The following IL23R variants were observed in gnomAD, a reference collection of about 807,000 sequenced individuals.
The protein encoded by IL23R is interleukin-23 receptor.
Under a neutral mutation model 56.9 loss-of-function variants are expected in IL23R, and 34 were observed. The ratio of observed to expected loss-of-function variants is 0.60; its 90% CI spans 0.45 to 0.80. IL23R has a LOEUF of 0.80. IL23R is among the 30% of genes least tolerant of loss of function. IL23R has a pLI of 0.00. For missense variants in IL23R, 635 were observed against 730.0 expected (o/e 0.87, Z 1.50); for synonymous variants, 230 against 249.2 (o/e 0.92, Z 0.73).
intron 2 of IL23R, among the ~76,000 whole-genome samples, chr1:67,168,968 T>G (rs1393360413): frequency 6.6e-6 from 1 of 151,996 alleles, no homozygotes; most frequent in South Asian, 2.1e-4. Flanking sequence ...AAGATCAGCC[T>G]GGCCAACATG....
At chr1:67,203,665 A>C (rs1648793360) in intron 5 of IL23R, among the ~76,000 whole-genome samples, 1 of 152,220 alleles carries the variant, frequency 6.6e-6, no homozygotes, top group Admixed American at 6.5e-5. Context: ...AGCCGTCTTC[A>C]TGGGTAACAC....
At chr1:67,182,540 T>C (rs1176873540) in intron 3 of IL23R, among the ~76,000 whole-genome samples, 1 of 152,176 alleles carries the variant, frequency 6.6e-6, no homozygotes, top group African/African-American at 2.4e-5. Flanking sequence ...CTGTCACCCC[T>C]TTCCTTGGCT....
rs373028008 is a variant in IL23R at position 67,259,114 on chromosome 1, C to T, written c.1876C>T (p.Leu626Phe). 2.5e-6 allele frequency: 4 copies of T among 1,613,716 alleles called. No homozygotes were observed. The highest frequency in any genetic ancestry group is 3.4e-6 in the Non-Finnish European group (4 of 1,179,880). Residue 626 changes from leucine to phenylalanine, a missense_variant, in exon 11 of 11, where the codon CTC becomes TTC. Coordinates refer to ENST00000347310, the MANE Select transcript of IL23R (RefSeq NM_144701.3). ...GGAAAGCCACTTCAATAGGATTTCA[C>T]TCTTGGAAAAGTAGAGCTGTGTGGT... ...ILESHFNRIS[L>F]LEK
At chr1:67,148,377 G>C (rs1395683356) in intron 1 of IL23R, among the ~76,000 whole-genome samples, 4 of 152,236 alleles carry the variant, frequency 2.6e-5, no homozygotes, top group African/African-American at 9.6e-5. Context: ...TCCCCTGCCC[G>C]CTCGAATTCC....
chr1:67,216,684 A>C (rs996730534), intron 6 of IL23R, among the ~76,000 whole-genome samples: 1 of 152,120 alleles, frequency 6.6e-6, no homozygotes, highest in African/African-American at 2.4e-5. Flanking sequence ...TCTTTTTTTA[A>C]AAAAAATTTC....
At chr1:67,165,747 C>T (rs565024654), upstream of IL23R, among the ~76,000 whole-genome samples, 12 of 152,236 alleles carry the variant, frequency 7.9e-5, no homozygotes, top group Admixed American at 3.9e-4. Context: ...CACTTATATG[C>T]AGAATCTGAA....
intron 4 of IL23R, among the ~76,000 whole-genome samples, chr1:67,187,245 T>C (rs1647405273): frequency 1.3e-5 from 2 of 152,134 alleles, no homozygotes; most frequent in African/African-American, 4.8e-5. Context: ...CAACCTTTGT[T>C]TTTATCTTGG....
chr1:67,241,353 A>T (rs1651841301), intron 9 of IL23R, among the ~76,000 whole-genome samples: 1 of 152,206 alleles, frequency 6.6e-6, no homozygotes, highest in Non-Finnish European at 1.5e-5. Context: ...CTGTTCTAGG[A>T]TCTATGTGTT....
At chr1:67,159,339 C>G (rs1352864287) in intron 1 of IL23R, among the ~76,000 whole-genome samples, 2 of 152,072 alleles carry the variant, frequency 1.3e-5, no homozygotes, top group East Asian at 3.9e-4. Flanking sequence ...CCTGCTCGCT[C>G]TCTCTCCTGC....
chr1:67,252,899 A>G (rs900036211), intron 9 of IL23R, among the ~76,000 whole-genome samples: 6 of 152,156 alleles, frequency 3.9e-5, no homozygotes, highest in Admixed American at 3.9e-4. Context: ...TCTTATTTGA[A>G]CACAGTTTGA....
intron 7 of IL23R, among the ~76,000 whole-genome samples, chr1:67,226,587 G>T (rs1417533755): frequency 6.6e-6 from 1 of 152,116 alleles, no homozygotes; most frequent in South Asian, 2.1e-4. Context: ...CTGGAACCTG[G>T]GGTCTGGAGT....
At chr1:67,241,578 C>T (rs1651855884) in intron 9 of IL23R, among the ~76,000 whole-genome samples, 2 of 152,204 alleles carry the variant, frequency 1.3e-5, no homozygotes, top group Non-Finnish European at 2.9e-5. Context: ...CAGTTACCAT[C>T]ATTTTGGGTT....
intron 5 of IL23R, among the ~76,000 whole-genome samples, chr1:67,204,977 G>A (rs955733554): frequency 1.3e-5 from 2 of 152,048 alleles, no homozygotes; most frequent in Non-Finnish European, 1.5e-5. Context: ...CAGGTGTTTC[G>A]CTATGTTGGC....
intron 6 of IL23R, among the ~76,000 whole-genome samples, chr1:67,209,833 C>T (rs11805303): frequency 0.3 from 46,204 of 152,072 alleles, 7,481 homozygotes; most frequent in South Asian, 0.56. Flanking sequence ...ACTGTTTCCT[C>T]AAACGATCCA....
At chr1:67,258,341 A>G (rs1653062150) in intron 10 of IL23R, 137 bp from the exon 11 acceptor site, 9 of 594,080 alleles carry the variant, frequency 1.5e-5, no homozygotes, top group Non-Finnish European at 2.6e-5. Context: ...AGGAAATCAT[A>G]TGGGAAGATA....
At chr1:67,242,271 A>G (rs538887161) in intron 9 of IL23R, among the ~76,000 whole-genome samples, 1 of 152,290 alleles carries the variant, frequency 6.6e-6, no homozygotes, top group Admixed American at 6.5e-5. Flanking sequence ...GAACCCTTAA[A>G]ATTTCTCACC....
chr1:67,254,191 C>T lies in IL23R; in HGVS notation c.1149-1646C>T, dbSNP rs113459547. ...TCAAGTGATTCTCATGCCTCAGCCT[C>T]CCAAGTAGCTAGGAATACAGGCACA... On this transcript the variant is annotated intron_variant, in intron 9 of 10. Transcript: ENST00000347310. Among the ~76,000 whole-genome samples the T allele has an allele frequency of 8.3e-3, 1,267 of 152,106 alleles. 12 individuals carry two copies. Among genetic ancestry groups the T allele is most frequent in the South Asian group, 0.03 (146 of 4,814 alleles).
intron 9 of IL23R, among the ~76,000 whole-genome samples, chr1:67,248,196 C>G (rs184465519): frequency 3.3e-5 from 5 of 152,242 alleles, no homozygotes; most frequent in African/African-American, 1.2e-4. Flanking sequence ...TGGATAATAT[C>G]CTGAAATGTG....
chr1:67,264,950 G>A (rs1056261592), downstream of IL23R, among the ~76,000 whole-genome samples: 1 of 152,162 alleles, frequency 6.6e-6, no homozygotes, highest in Non-Finnish European at 1.5e-5. Flanking sequence ...GGGTTGGGGG[G>A]GAACCCTAAA....
Sources: allele counts gnomAD v4.1 joint callset (sites outside exome capture counted in the v4.1 genomes callset), GRCh38; gene constraint gnomAD v4.1.1; transcripts MANE v1.5; gene names NCBI Gene and HGNC (gene_info 2026-07-23, HGNC 2026-07-21).